The following NMT2 variants were observed in gnomAD, a reference collection of about 807,000 sequenced individuals.
NMT2 encodes the protein N-myristoyltransferase 2.
Under a neutral mutation model 65.4 loss-of-function variants are expected in NMT2, and 35 were observed. The observed-to-expected ratio is 0.54, with a 90% CI of 0.41 to 0.71. The LOEUF (loss-of-function observed/expected upper bound fraction) is 0.71, where lower values mean the gene tolerates loss of function less well. Ranked by LOEUF, NMT2 falls within the 30% of genes least tolerant of loss-of-function variation. The pLI is 0.00. For synonymous variants in NMT2, 226 were observed against 231.8 expected, an observed-to-expected ratio of 0.98 and a Z score of 0.23; for missense variants, 489 against 611.3, an observed-to-expected ratio of 0.80 and a Z score of 2.11.
At chr10:15,127,356 G>C (rs1474904545) in intron 8 of NMT2, among the ~76,000 whole-genome samples, 1 of 151,216 alleles carries the variant, frequency 6.6e-6, no homozygotes, top group Admixed American at 6.6e-5. Flanking sequence ...GACTATCCTG[G>C]CTAACATGGT....
chr10:15,146,996 G>A (rs1846985332), intron 1 of NMT2, among the ~76,000 whole-genome samples: 1 of 151,024 alleles, frequency 6.6e-6, no homozygotes, highest in Admixed American at 6.6e-5. Flanking sequence ...GGGAGGCTGG[G>A]GTGGGAGGAT....
rs987283570 is a variant in NMT2, at chr10:15,108,052, T to C, written c.*1143A>G. 1.0e-6 allele frequency: 1 copy of C among 985,838 alleles called. No individual in the cohort carries two copies. The highest frequency in any genetic ancestry group is 1.2e-6 in the Non-Finnish European group (1 of 829,946). 61.1% of individuals were successfully genotyped at this position (985,838 alleles called of 1,614,324 possible). On this transcript the variant is annotated 3_prime_UTR_variant, in exon 12 of 12. Transcript: ENST00000378165. ...ACTATCAATGCCCTGATAGCACGAATAAGTTCCACCAGGCATCTCTTTTGA... is the reference window on the plus strand; with the variant it reads ...ACTATCAATGCCCTGATAGCACGAACAAGTTCCACCAGGCATCTCTTTTGA...
intron 1 of NMT2, among the ~76,000 whole-genome samples, chr10:15,149,008 T>G (rs544252529): frequency 3.2e-4 from 49 of 152,264 alleles, no homozygotes; most frequent in African/African-American, 9.6e-4. Flanking sequence ...AAATGTAAAC[T>G]GAAACAACCA....
intron 2 of NMT2, chr10:15,140,948 C>T: frequency 6.5e-7 from 1 of 1,532,898 alleles, no homozygotes. Flanking sequence ...AGAACGACCG[C>T]TGCAAACTGG....
intron 1 of NMT2, among the ~76,000 whole-genome samples, chr10:15,154,037 C>A (rs1588451935): frequency 6.6e-6 from 1 of 152,210 alleles, no homozygotes. Flanking sequence ...AACACAAGCA[C>A]ATTTATCTTT....
chr10:15,160,842 A>G (rs1414625741), intron 1 of NMT2, among the ~76,000 whole-genome samples: 2 of 152,034 alleles, frequency 1.3e-5, no homozygotes, highest in Non-Finnish European at 2.9e-5. Flanking sequence ...TGGTAATAGA[A>G]CAACAGGGAA....
At chr10:15,167,031 C>T (rs1018413513) in intron 1 of NMT2, among the ~76,000 whole-genome samples, 2 of 152,220 alleles carry the variant, frequency 1.3e-5, no homozygotes, top group Non-Finnish European at 2.9e-5. Flanking sequence ...GCTAATCCAT[C>T]AGCTTGCATC....
chr10:15,128,230 G>T (rs1285328585), intron 8 of NMT2, 120 bp downstream of exon 8: 2 of 669,602 alleles, frequency 3.0e-6, no homozygotes, highest in African/African-American at 3.7e-5. Context: ...AATCTCTTTC[G>T]CTCCATATTC....
At chr10:15,151,853 C>A (rs188975683) in intron 1 of NMT2, among the ~76,000 whole-genome samples, 2 of 151,658 alleles carry the variant, frequency 1.3e-5, no homozygotes, top group Non-Finnish European at 2.9e-5. Flanking sequence ...GGTGAAACCC[C>A]GTCTCTACCA....
intron 9 of NMT2, among the ~76,000 whole-genome samples, chr10:15,114,326 T>C (rs1004565767): frequency 6.6e-6 from 1 of 152,188 alleles, no homozygotes; most frequent in Non-Finnish European, 1.5e-5. Flanking sequence ...ATATTGCTGG[T>C]AAAATTACTG....
chr10:15,120,060 AC>A (rs1186925516), intron 8 of NMT2, among the ~76,000 whole-genome samples: 3 of 152,214 alleles, frequency 2.0e-5, no homozygotes. Context: ...CTGATCATGT[AC>A]GGACTTTTTT....
chr10:15,123,313 G>A (rs1490658051), intron 8 of NMT2, among the ~76,000 whole-genome samples: 1 of 152,078 alleles, frequency 6.6e-6, no homozygotes, highest in African/African-American at 2.4e-5. Context: ...TTGGGAGGCT[G>A]AGGCAGGCGG....
chr10:15,142,839 G>C (rs1846823550), intron 1 of NMT2, among the ~76,000 whole-genome samples: 1 of 152,118 alleles, frequency 6.6e-6, no homozygotes, highest in South Asian at 2.1e-4. Context: ...TCACAGCCAG[G>C]TACATGAGCT....
At chr10:15,148,489 G>A (rs1020630881) in intron 1 of NMT2, among the ~76,000 whole-genome samples, 2 of 152,170 alleles carry the variant, frequency 1.3e-5, no homozygotes, top group Middle Eastern at 3.2e-3. Flanking sequence ...GTCAGCCTGG[G>A]CAACAGAGTG....
rs763703690 is a variant in NMT2, at chr10:15,108,550, C to G, written c.*645G>C. On this transcript the variant is annotated 3_prime_UTR_variant, in exon 12 of 12. Coordinates refer to ENST00000378165, the MANE Select transcript of NMT2 (RefSeq NM_004808.3). ...CTCTGCTTTTGAAGCAATCCACTGA[C>G]CTGGTAAAGATCAAAGTACAAACTT... The G allele has an allele frequency of 3.8e-5, 37 of 985,692 alleles. No individual in the cohort carries two copies. Among genetic ancestry groups the G allele is most frequent in the Non-Finnish European group, 4.3e-5 (36 of 830,278 alleles). 61.1% of individuals were successfully genotyped at this position (985,692 alleles called of 1,614,324 possible). A position where few individuals can be genotyped will look rare whatever the true frequency, so the allele number is the denominator to read the frequency against.
In NMT2 at chr10:15,106,686, G is replaced by A. The variant is rs1845314036; in HGVS notation, c.*2509C>T. 1.0e-6 allele frequency: 1 copy of A among 984,090 alleles called. No homozygotes were observed. The highest frequency in any genetic ancestry group is 1.2e-6 in the Non-Finnish European group (1 of 828,846). The allele number at this position is 984,090 out of a possible 1,614,324, so 61.0% of individuals were successfully genotyped here. ...TTCCAACTCCTTCGTAGTGACCAAGGTCAACAAACTTTCTGTAAAAGACCA... is the reference window on the plus strand; with the variant it reads ...TTCCAACTCCTTCGTAGTGACCAAGATCAACAAACTTTCTGTAAAAGACCA... On this transcript the variant is annotated 3_prime_UTR_variant, in exon 12 of 12. Coordinates refer to ENST00000378165, the MANE Select transcript of NMT2 (RefSeq NM_004808.3).
intron 1 of NMT2, among the ~76,000 whole-genome samples, chr10:15,161,328 G>C (rs11259525): frequency 6.6e-6 from 1 of 151,864 alleles, no homozygotes. Context: ...TGTTAAAGAA[G>C]AAAAAGACAG....
chr10:15,160,827 C>A (rs1329540622), intron 1 of NMT2, among the ~76,000 whole-genome samples: 4 of 151,724 alleles, frequency 2.6e-5, no homozygotes, highest in Non-Finnish European at 4.4e-5. Context: ...GACATGGAAA[C>A]CCTTTGGTAA....
chr10:15,143,628 G>A (rs1019658857), intron 1 of NMT2, among the ~76,000 whole-genome samples: 6 of 152,202 alleles, frequency 3.9e-5, no homozygotes, highest in African/African-American at 7.2e-5. Flanking sequence ...GGTCCAAGGC[G>A]GGAAGATCGC....
Sources: allele counts gnomAD v4.1 joint callset (sites outside exome capture counted in the v4.1 genomes callset), GRCh38; gene constraint gnomAD v4.1.1; transcripts MANE v1.5; gene names NCBI Gene and HGNC (gene_info 2026-07-23, HGNC 2026-07-21).